Variants in GRID2 observed in about 807,000 individuals in gnomAD.
The protein encoded by GRID2 is glutamate ionotropic receptor delta type subunit 2.
A neutral mutation model predicts 114.8 loss-of-function variants in GRID2; 33 were observed. The observed-to-expected ratio is 0.29, with a 90% CI of 0.22 to 0.38. The LOEUF is 0.38. Ranked by LOEUF, GRID2 falls within the 10% of genes least tolerant of loss-of-function variation. The pLI is 1.00. For synonymous variants in GRID2, 505 were observed against 449.9 expected (o/e 1.12, Z -1.55); for missense variants, 1,184 against 1,257.7 (o/e 0.94, Z 0.89).
At chr4:92,962,077 T>G (rs766381135) in intron 2 of GRID2, among the ~76,000 whole-genome samples, 23 of 151,970 alleles carry the variant, frequency 1.5e-4, no homozygotes, top group Non-Finnish European at 2.9e-4. Flanking sequence ...ACATGCTGTC[T>G]CCTTTATACA....
At chr4:93,228,375 T>G (rs973365272) in intron 7 of GRID2, among the ~76,000 whole-genome samples, 1 of 152,182 alleles carries the variant, frequency 6.6e-6, no homozygotes, top group Admixed American at 6.6e-5. Flanking sequence ...ATAACAGCAT[T>G]AATCCGTTCA....
intron 4 of GRID2, among the ~76,000 whole-genome samples, chr4:93,128,059 A>AAAAAAAAAG (rs1734460079): frequency 1.1e-5 from 1 of 93,160 alleles, no homozygotes; most frequent in Non-Finnish European, 2.1e-5. Context: ...AAAAAAAAAA[A>AAAAAAAAAG]CAACAGTACG....
intron 9 of GRID2, among the ~76,000 whole-genome samples, chr4:93,400,433 G>A (rs1765764226): frequency 6.6e-6 from 1 of 151,978 alleles, no homozygotes; most frequent in Non-Finnish European, 1.5e-5. Context: ...TGGTCCAAGT[G>A]TATTACTACA....
chr4:93,476,370 A>G (rs1560660071), intron 11 of GRID2, among the ~76,000 whole-genome samples: 2 of 152,156 alleles, frequency 1.3e-5, no homozygotes. Flanking sequence ...GTATCCCTCA[A>G]TCATACTATC....
At chr4:93,459,856 T>A (rs1011084294) in intron 11 of GRID2, among the ~76,000 whole-genome samples, 1 of 152,180 alleles carries the variant, frequency 6.6e-6, no homozygotes, top group Non-Finnish European at 1.5e-5. Flanking sequence ...CCACCAACCA[T>A]TCAGACTCAT....
intron 2 of GRID2, among the ~76,000 whole-genome samples, chr4:93,065,581 G>C (rs1210769812): frequency 6.6e-6 from 1 of 151,858 alleles, no homozygotes; most frequent in Non-Finnish European, 1.5e-5. Context: ...ATATGCAAGA[G>C]ATGTGAGATA....
At chr4:93,776,161 C>T (rs1734364814), downstream of GRID2, among the ~76,000 whole-genome samples, 1 of 152,150 alleles carries the variant, frequency 6.6e-6, no homozygotes. Flanking sequence ...GTACAATGGA[C>T]TCACTAAAAT....
intron 9 of GRID2, among the ~76,000 whole-genome samples, chr4:93,398,031 C>T (rs2149333502): frequency 6.6e-6 from 1 of 150,790 alleles, no homozygotes; most frequent in African/African-American, 2.4e-5. Flanking sequence ...CATGTATTGT[C>T]TTATTTTGTC....
rs1187311758 is a variant in GRID2, at chr4:92,465,550, G to T, written c.89-124581G>T. Among the ~76,000 whole-genome samples the T allele has an allele frequency of 2.6e-5, 4 of 152,066 alleles. No individual in the cohort carries two copies. In the East Asian group the frequency reaches 7.7e-4, roughly 29 times the overall value. ...ATAAAAAACTAGTAGAATTGTAGAT[G>T]ATGTTGGCACTTTCTTTGTAGTTTG... On this transcript the variant is annotated intron_variant, in intron 1 of 15. Transcript: ENST00000282020.
chr4:92,780,410 G>T (rs1739013203), intron 2 of GRID2, among the ~76,000 whole-genome samples: 1 of 152,076 alleles, frequency 6.6e-6, no homozygotes, highest in African/African-American at 2.4e-5. Context: ...GAAATCTTAA[G>T]ATTCATTCTC....
At chr4:93,229,784 A>T (rs922270562) in intron 7 of GRID2, among the ~76,000 whole-genome samples, 7 of 152,054 alleles carry the variant, frequency 4.6e-5, no homozygotes, top group African/African-American at 1.7e-4. Context: ...AGTAGTATAA[A>T]TGTCTAGTAA....
chr4:93,575,147 CA>C (rs1736294049), intron 13 of GRID2, among the ~76,000 whole-genome samples: 1 of 152,164 alleles, frequency 6.6e-6, no homozygotes, highest in Non-Finnish European at 1.5e-5. Context: ...GAGCAAATCA[CA>C]GGACTTATCC....
chr4:93,614,981 T>G (rs2149672681), intron 13 of GRID2, among the ~76,000 whole-genome samples: 2 of 152,358 alleles, frequency 1.3e-5, no homozygotes, highest in Middle Eastern at 6.8e-3. Context: ...TTTCTTTTAT[T>G]CAGTTGTAGA....
chr4:92,895,955 T>G, intron 2 of GRID2, among the ~76,000 whole-genome samples: 1 of 152,212 alleles, frequency 6.6e-6, no homozygotes. Context: ...TGTCAGTATT[T>G]TAGCCATGAT....
intron 12 of GRID2, among the ~76,000 whole-genome samples, chr4:93,497,784 A>AT (rs1224548369): frequency 6.6e-6 from 1 of 151,586 alleles, no homozygotes; most frequent in Non-Finnish European, 1.5e-5. Context: ...CTTCCCACCT[A>AT]TTTTTTCAGA....
chr4:93,237,103 G>A (rs949947393), intron 7 of GRID2, among the ~76,000 whole-genome samples: 1 of 151,866 alleles, frequency 6.6e-6, no homozygotes, highest in African/African-American at 2.4e-5. Context: ...TACACATCTA[G>A]TAGATCCCGA....
intron 14 of GRID2, among the ~76,000 whole-genome samples, chr4:93,658,590 C>T (rs905238572): frequency 1.3e-5 from 2 of 152,088 alleles, no homozygotes; most frequent in South Asian, 2.1e-4. Flanking sequence ...GGTATTCAAA[C>T]CCTTATAGTC....
chr4:92,338,571 A>G (rs1727306420), intron 1 of GRID2, among the ~76,000 whole-genome samples: 1 of 152,114 alleles, frequency 6.6e-6, no homozygotes. Flanking sequence ...TATATATAGT[A>G]TCTCTCAGTT....
chr4:93,009,094 CAAAG>C (rs972373363), intron 2 of GRID2, among the ~76,000 whole-genome samples: 37 of 151,948 alleles, frequency 2.4e-4, no homozygotes, highest in East Asian at 9.7e-4. Flanking sequence ...GGCATGAAAA[CAAAG>C]AAATGTTTTT....
Sources: gnomAD v4.1 joint callset for allele counts (sites outside exome capture counted in the v4.1 genomes callset) on GRCh38, gnomAD v4.1.1 for gene constraint, MANE v1.5 for transcripts, NCBI Gene and HGNC (gene_info 2026-07-23, HGNC 2026-07-21) for gene names.